Variants in DMAC2L observed in about 807,000 individuals in gnomAD.
DMAC2L encodes ATP synthase subunit s, mitochondrial.
DMAC2L carries 21 observed loss-of-function variants against 22.5 expected under a neutral mutation model. The observed-to-expected ratio is 0.93, with a 90% CI of 0.66 to 1.34. The LOEUF (loss-of-function observed/expected upper bound fraction) is 1.34, where lower values mean the gene tolerates loss of function less well. DMAC2L is among the 40% of genes most tolerant of loss of function. The pLI is 0.00. For synonymous variants in DMAC2L, 86 were observed against 89.5 expected, an observed-to-expected ratio of 0.96 and a Z score of 0.22; for missense variants, 239 against 246.5, an observed-to-expected ratio of 0.97 and a Z score of 0.20.
Position 50,325,970 on chromosome 14 carries a change from C to A in DMAC2L, c.*247C>A. 19 of 1,101,870 alleles carry A rather than the reference C, an allele frequency of 1.7e-5. No homozygotes were observed. The highest frequency in any genetic ancestry group is 1.9e-5 in the Non-Finnish European group (17 of 899,224). The allele number at this position is 1,101,870 out of a possible 1,614,324, so 68.3% of individuals were successfully genotyped here. A position where few individuals can be genotyped will look rare whatever the true frequency, so the allele number is the denominator to read the frequency against. ...TGCAGCCAGGCGCAGTGGCTCATGCCTGTAATCCTAGCACTTTGGGAGGCC... is the reference window on the plus strand; with the variant it reads ...TGCAGCCAGGCGCAGTGGCTCATGCATGTAATCCTAGCACTTTGGGAGGCC... On this transcript the variant is annotated 3_prime_UTR_variant, in exon 6 of 6. Coordinates refer to ENST00000557421, the MANE Select transcript of DMAC2L (RefSeq NM_001382507.1).
upstream of DMAC2L, chr14:50,312,217 CG>C (rs1225830805): frequency 1.3e-6 from 2 of 1,584,652 alleles, no homozygotes; most frequent in African/African-American, 2.7e-5. Flanking sequence ...GCCGAGGACC[CG>C]CGCTCTTTAG....
At chr14:50,319,035 C>A in intron 2 of DMAC2L, 1 of 985,386 alleles carries the variant, frequency 1.0e-6, no homozygotes, top group Non-Finnish European at 1.2e-6. Flanking sequence ...AATGAATGGA[C>A]ATGGCATTTG....
At chr14:50,314,059 C>T (rs1346583343) in intron 1 of DMAC2L, among the ~76,000 whole-genome samples, 2 of 152,142 alleles carry the variant, frequency 1.3e-5, no homozygotes, top group Non-Finnish European at 2.9e-5. Flanking sequence ...TAGTTCCTTC[C>T]TTTTTATTAC....
chr14:50,326,539 G>C lies in DMAC2L; in HGVS notation c.*816G>C. On this transcript the variant is annotated 3_prime_UTR_variant, in exon 6 of 6. Coordinates refer to ENST00000557421, the MANE Select transcript of DMAC2L (RefSeq NM_001382507.1). ...AACAGGATTTGCGTGCATTTCCCAT[G>C]ATCCTGCATTCTTGTGTTCTTGATA... The C allele has an allele frequency of 1.0e-6, 1 of 985,436 alleles. No homozygotes were observed. Among genetic ancestry groups the C allele is most frequent in the East Asian group, 1.1e-4 (1 of 8,818 alleles). The allele number at this position is 985,436 out of a possible 1,614,324, so 61.0% of individuals were successfully genotyped here. A position where few individuals can be genotyped will look rare whatever the true frequency, so the allele number is the denominator to read the frequency against.
intron 4 of DMAC2L, 47 bp from the exon 5 acceptor site, chr14:50,323,898 C>T: frequency 6.6e-7 from 1 of 1,503,850 alleles, no homozygotes; most frequent in South Asian, 1.3e-5. Flanking sequence ...GACAGTTTGT[C>T]ATCTTAGTGG....
At chr14:50,312,665 C>T in intron 1 of DMAC2L, 1 of 313,902 alleles carries the variant, frequency 3.2e-6, no homozygotes, top group Non-Finnish European at 5.9e-6. Flanking sequence ...CGGGTCCTCG[C>T]TCGGCCCCGC....
In DMAC2L at chr14:50,326,559, T is replaced by C. The variant is rs1230367757; in HGVS notation, c.*836T>C. 7.1e-6 allele frequency: 7 copies of C among 985,354 alleles called. No individual in the cohort carries two copies. The highest frequency in any genetic ancestry group is 8.4e-6 in the Non-Finnish European group (7 of 829,950). 61.0% of individuals were successfully genotyped at this position (985,354 alleles called of 1,614,324 possible). On this transcript the variant is annotated 3_prime_UTR_variant, in exon 6 of 6. Transcript: ENST00000557421. ...CCCATGATCCTGCATTCTTGTGTTC[T>C]TGATAGCATACAGACTTACTCAGAA...
intron 2 of DMAC2L, chr14:50,319,123 G>A: frequency 6.7e-7 from 1 of 1,503,712 alleles, no homozygotes; most frequent in South Asian, 1.3e-5. Flanking sequence ...AACAGCCTGA[G>A]TAGAAGCTGG....
At chr14:50,314,523 A>G (rs1196640033) in intron 1 of DMAC2L, 68 bp from the exon 2 acceptor site, 1 of 455,918 alleles carries the variant, frequency 2.2e-6, no homozygotes, top group Non-Finnish European at 4.4e-6. Flanking sequence ...GTTTTTAGCT[A>G]TTGTGAATCA....
intron 3 of DMAC2L, 92 bp from the exon 4 acceptor site, chr14:50,322,419 T>C (rs1252649995): frequency 2.1e-5 from 27 of 1,290,260 alleles, no homozygotes; most frequent in Non-Finnish European, 2.7e-5. Context: ...AAATGAAAAT[T>C]TGTTGCGTTC....
Position 50,312,382 on chromosome 14 carries a change from C to T in DMAC2L, c.-49C>T. ...TGGCTCGCTCCCTCCCTCCCTCCCTCCGACGCTGTGAGTAGAGAAGCTAGG... is the reference window on the plus strand; with the variant it reads ...TGGCTCGCTCCCTCCCTCCCTCCCTTCGACGCTGTGAGTAGAGAAGCTAGG... On this transcript the variant is annotated 5_prime_UTR_variant, in exon 1 of 6. Coordinates refer to ENST00000557421, the MANE Select transcript of DMAC2L (RefSeq NM_001382507.1). 1 of 600,650 alleles carries T rather than the reference C, an allele frequency of 1.7e-6. No homozygotes were observed. Among genetic ancestry groups the T allele is most frequent in the Non-Finnish European group, 2.9e-6 (1 of 341,294 alleles). The allele number at this position is 600,650 out of a possible 1,614,324, so 37.2% of individuals were successfully genotyped here.
At chr14:50,320,755 C>T (rs2032196283) in intron 2 of DMAC2L, among the ~76,000 whole-genome samples, 1 of 152,178 alleles carries the variant, frequency 6.6e-6, no homozygotes. Flanking sequence ...CTCCCCATCT[C>T]CTCCTCCCTG....
intron 2 of DMAC2L, among the ~76,000 whole-genome samples, chr14:50,315,284 C>T (rs1295879377): frequency 6.6e-6 from 1 of 151,456 alleles, no homozygotes; most frequent in Non-Finnish European, 1.5e-5. Context: ...CATTCTTATG[C>T]CTTTGCATCC....
intron 2 of DMAC2L, among the ~76,000 whole-genome samples, chr14:50,316,187 T>A (rs955532875): frequency 2.0e-5 from 3 of 152,216 alleles, no homozygotes; most frequent in Non-Finnish European, 4.4e-5. Context: ...TTCATATATT[T>A]CTTGGCCATT....
intron 1 of DMAC2L, among the ~76,000 whole-genome samples, chr14:50,313,293 C>G (rs1445420788): frequency 6.6e-6 from 1 of 152,112 alleles, no homozygotes; most frequent in Non-Finnish European, 1.5e-5. Context: ...TGGTTCCAGT[C>G]TTTGGTCAGG....
chr14:50,321,021 G>A (rs1235113869), intron 2 of DMAC2L, among the ~76,000 whole-genome samples: 1 of 152,172 alleles, frequency 6.6e-6, no homozygotes, highest in African/African-American at 2.4e-5. Flanking sequence ...ACCACTTGCA[G>A]CCTTGTCATA....
intron 4 of DMAC2L, 39 bp from the exon 5 acceptor site, chr14:50,323,906 T>C: frequency 6.5e-7 from 1 of 1,532,336 alleles, no homozygotes; most frequent in Non-Finnish European, 8.9e-7. Context: ...GTCATCTTAG[T>C]GGTAAAGCAG....
intron 2 of DMAC2L, among the ~76,000 whole-genome samples, chr14:50,318,391 G>T (rs1039670780): frequency 2.0e-5 from 3 of 152,092 alleles, no homozygotes; most frequent in Admixed American, 6.5e-5. Flanking sequence ...CTAATATCTT[G>T]TGTTTTTAGA....
intron 4 of DMAC2L, 51 bp downstream of exon 4, chr14:50,322,770 C>A (rs1416505800): frequency 1.9e-6 from 3 of 1,609,518 alleles, no homozygotes; most frequent in Non-Finnish European, 2.6e-6. Flanking sequence ...TTTGCAGTGA[C>A]CATTTTGTTG....
Sources: allele counts gnomAD v4.1 joint callset (sites outside exome capture counted in the v4.1 genomes callset), GRCh38; gene constraint gnomAD v4.1.1; transcripts MANE v1.5; gene names NCBI Gene and HGNC (gene_info 2026-07-23, HGNC 2026-07-21).